EXOC6: variants seen among roughly 807,000 people sequenced by gnomAD.
EXOC6 encodes SEC15-like 1.
Under a neutral mutation model 112.5 loss-of-function variants are expected in EXOC6, and 60 were observed. The observed-to-expected ratio is 0.53, with a 90% CI of 0.43 to 0.66. The LOEUF is 0.66. Ranked by LOEUF, EXOC6 falls within the 30% of genes least tolerant of loss-of-function variation. The pLI is 0.00. For missense variants in EXOC6, 855 were observed against 957.1 expected, an observed-to-expected ratio of 0.89 and a Z score of 1.41; for synonymous variants, 295 against 308.0, an observed-to-expected ratio of 0.96 and a Z score of 0.44.
At chr10:92,858,870 A>G (rs540301443) in intron 1 of EXOC6, among the ~76,000 whole-genome samples, 5 of 152,214 alleles carry the variant, frequency 3.3e-5, no homozygotes, top group South Asian at 2.1e-4. Context: ...GGTTCAAGCA[A>G]TTCTCCTGTC....
intron 17 of EXOC6, among the ~76,000 whole-genome samples, chr10:92,962,558 TA>T (rs1419316928): frequency 1.6e-4 from 24 of 151,634 alleles, no homozygotes; most frequent in Admixed American, 1.6e-3. Context: ...CTGGCTGATT[TA>T]AAAAAAATTG....
chr10:92,931,981 TG>T (rs1368117752), intron 9 of EXOC6, among the ~76,000 whole-genome samples: 2 of 152,176 alleles, frequency 1.3e-5, no homozygotes, highest in Non-Finnish European at 2.9e-5. Flanking sequence ...GTGGCTCATA[TG>T]TGAATGTTTG....
intron 4 of EXOC6, among the ~76,000 whole-genome samples, chr10:92,896,169 ATATATATATATATTTTTTTTTTTTTT>A (rs1564809978): frequency 2.8e-4 from 7 of 24,588 alleles, no homozygotes; most frequent in East Asian, 2.8e-3. Context: ...ATATATATAT[ATATATATATATATTTTTTTTTTTTTT>A]TTTTTTTTTT....
At chr10:93,011,283 A>T (rs919273031) in intron 19 of EXOC6, among the ~76,000 whole-genome samples, 2 of 150,530 alleles carry the variant, frequency 1.3e-5, no homozygotes, top group African/African-American at 4.9e-5. Flanking sequence ...TTAAGACAAG[A>T]TCTTGCTTTG....
At position 92,915,895 on chromosome 10, in the gene EXOC6, G is replaced by A; in HGVS notation, c.801G>A (p.Glu267=). The A allele has an allele frequency of 6.5e-7, 1 of 1,539,384 alleles. No individual in the cohort carries two copies. Among genetic ancestry groups the A allele is most frequent in the Middle Eastern group, 1.7e-4 (1 of 5,864 alleles). Residue 267 remains glutamate (E), a synonymous_variant, in exon 7 of 22, where the codon GAG becomes GAA. Transcript: ENST00000260762. The part of the protein sequence containing the change: ...ETVLKHSLEE[E]DENEEEILTV... ...TATTGAAACATTCACTTGAAGAAGA[G>A]GATGAGAATGAAGAAGAGGTGATAG...
chr10:93,012,353 G>C (rs1412251975), intron 19 of EXOC6, among the ~76,000 whole-genome samples: 1 of 152,144 alleles, frequency 6.6e-6, no homozygotes, highest in East Asian at 1.9e-4. Flanking sequence ...AACTCAAATA[G>C]CGCAGCTTTT....
intron 1 of EXOC6, among the ~76,000 whole-genome samples, chr10:92,850,621 A>AC (rs1319833287): frequency 6.6e-6 from 1 of 152,228 alleles, no homozygotes; most frequent in African/African-American, 2.4e-5. Context: ...GTAATGAACC[A>AC]CCATGAACTG....
rs115619302 is a variant in EXOC6 at position 93,012,549 on chromosome 10, C to A, written c.2096-1645C>A. 5.9e-3 allele frequency among the ~76,000 whole-genome samples: 891 copies of A among 152,268 alleles called. 6 individuals are homozygous for A. The highest frequency in any genetic ancestry group is 0.017 in the African/African-American group (719 of 41,562). Reference sequence around the variant, plus strand: ...AAAATTATACAACAGCAACATTCCCCAGAGATGCCAGATAAATTAAGCTGT... The same window carrying A: ...AAAATTATACAACAGCAACATTCCCAAGAGATGCCAGATAAATTAAGCTGT... On this transcript the variant is annotated intron_variant, in intron 19 of 21. Coordinates refer to ENST00000260762, the MANE Select transcript of EXOC6 (RefSeq NM_019053.6).
intron 14 of EXOC6, among the ~76,000 whole-genome samples, chr10:92,948,613 A>ACTG (rs1201954012): frequency 3.6e-4 from 54 of 150,332 alleles, no homozygotes; most frequent in African/African-American, 1.2e-3. Flanking sequence ...TACTACTACT[A>ACTG]CTACTACTGA....
intron 1 of EXOC6, among the ~76,000 whole-genome samples, chr10:92,865,724 G>A (rs184397056): frequency 2.6e-5 from 4 of 152,102 alleles, no homozygotes; most frequent in Admixed American, 6.5e-5. Flanking sequence ...TGGCCTGGCC[G>A]AGTATCACTT....
chr10:92,986,483 G>A (rs11187236), intron 18 of EXOC6, among the ~76,000 whole-genome samples: 22,855 of 151,484 alleles, frequency 0.15, 2,956 homozygotes, highest in East Asian at 0.67. Flanking sequence ...TGGCTAGTGA[G>A]TATCTGCTTC....
At chr10:92,941,421 G>A (rs1475046980) in intron 13 of EXOC6, among the ~76,000 whole-genome samples, 1 of 152,124 alleles carries the variant, frequency 6.6e-6, no homozygotes, top group African/African-American at 2.4e-5. Flanking sequence ...TTGAGTCTCT[G>A]CTTTCAAATC....
chr10:92,999,628 T>C (rs1843660730), intron 19 of EXOC6, among the ~76,000 whole-genome samples: 1 of 152,194 alleles, frequency 6.6e-6, no homozygotes, highest in South Asian at 2.1e-4. Context: ...GATAACCACA[T>C]TTACATAACT....
chr10:93,050,932 C>G (rs1163568229), intron 20 of EXOC6, among the ~76,000 whole-genome samples: 1 of 152,108 alleles, frequency 6.6e-6, no homozygotes, highest in East Asian at 1.9e-4. Flanking sequence ...ATGGTTACTT[C>G]TGAGTACGGC....
At position 92,997,533 on chromosome 10, in the gene EXOC6, G is replaced by A; in HGVS notation, c.2013G>A (p.Met671Ile). ...GCCAGCATCTGTCAACATCCTTAAT[G>A]CAGATGCTACTGGACAGTGAGTTAA... ...SACQHLSTSL[M>I]QMLLDSELKQ... Residue 671 changes from methionine (M) to isoleucine (I), a missense_variant, in exon 19 of 22, where the codon ATG (methionine) becomes ATA (isoleucine). Physicochemically the swap from Met to Ile is conservative, Grantham distance 10. Around this residue, in one of 2 missense-constraint regions of EXOC6, gnomAD observed 450 missense variants for 563.5 expected, o/e 0.80. Coordinates refer to ENST00000260762, the MANE Select transcript of EXOC6 (RefSeq NM_019053.6). 1 of 1,613,382 alleles carries A rather than the reference G, an allele frequency of 6.2e-7. No individual in the cohort carries two copies. Among genetic ancestry groups the A allele is most frequent in the Non-Finnish European group, 8.5e-7 (1 of 1,179,506 alleles).
chr10:92,905,266 G>C (rs1258704651), intron 5 of EXOC6, among the ~76,000 whole-genome samples: 1 of 151,902 alleles, frequency 6.6e-6, no homozygotes, highest in East Asian at 1.9e-4. Context: ...TGGGTCTTTT[G>C]CCTGTCTATA....
At chr10:92,856,889 C>A (rs1847627034) in intron 1 of EXOC6, among the ~76,000 whole-genome samples, 1 of 152,164 alleles carries the variant, frequency 6.6e-6, no homozygotes, top group South Asian at 2.1e-4. Flanking sequence ...TCCTTTATTT[C>A]TAGACTTGTT....
intron 20 of EXOC6, among the ~76,000 whole-genome samples, chr10:93,030,351 C>A (rs1845217058): frequency 6.6e-6 from 1 of 152,168 alleles, no homozygotes; most frequent in South Asian, 2.1e-4. Context: ...TAGGCGTGAG[C>A]CACTGCGCCC....
chr10:92,915,377 A>G (rs1483253891), intron 6 of EXOC6, among the ~76,000 whole-genome samples: 2 of 151,846 alleles, frequency 1.3e-5, no homozygotes, highest in East Asian at 3.9e-4. Flanking sequence ...CCCATTTTAC[A>G]AAAAAATACA....
Sources: gnomAD v4.1 joint callset for allele counts (sites outside exome capture counted in the v4.1 genomes callset) on GRCh38, gnomAD v4.1.1 for gene constraint, gnomAD v4.1.1 regional missense constraint, MANE v1.5 for transcripts, NCBI Gene and HGNC (gene_info 2026-07-23, HGNC 2026-07-21) for gene names.